The following RP1 variants were observed in gnomAD, a reference collection of about 807,000 sequenced individuals.
RP1 encodes the protein oxygen-regulated protein 1.
RP1 carries 16 observed loss-of-function variants against 14.8 expected under a neutral mutation model. That is an observed-to-expected ratio of 1.08 (90% CI 0.73 to 1.65). The LOEUF (loss-of-function observed/expected upper bound fraction) is 1.65, where lower values mean the gene tolerates loss of function less well. RP1 is among the 40% of genes most tolerant of loss of function. The pLI, the probability that RP1 is intolerant of heterozygous loss-of-function variation, is 0.00. For missense variants in RP1, 2,631 were observed against 2,535.0 expected (o/e 1.04, Z -0.81); for synonymous variants, 876 against 883.6 (o/e 0.99, Z 0.15).
chr8:54,619,048 C>A (rs2129313365), intron 1 of RP1, among the ~76,000 whole-genome samples: 1 of 152,312 alleles, frequency 6.6e-6, no homozygotes, highest in East Asian at 1.9e-4. Flanking sequence ...AAGGTCAGAC[C>A]ACAGTTGACC....
intron 7 of RP1, among the ~76,000 whole-genome samples, chr8:54,666,109 A>G (rs1807012112): frequency 6.6e-6 from 1 of 152,110 alleles, no homozygotes; most frequent in Admixed American, 6.6e-5. Flanking sequence ...CATTCGATGT[A>G]TGGACAAACT....
chr8:54,651,421 T>C (rs1156297543), intron 4 of RP1, among the ~76,000 whole-genome samples: 1 of 152,150 alleles, frequency 6.6e-6, no homozygotes, highest in Non-Finnish European at 1.5e-5. Flanking sequence ...GGGAGGTTTT[T>C]GATTACTGAT....
At chr8:54,849,366 C>T (rs1292435922) in intron 25 of RP1, among the ~76,000 whole-genome samples, 3 of 152,028 alleles carry the variant, frequency 2.0e-5, no homozygotes, top group Non-Finnish European at 4.4e-5. Flanking sequence ...AGTCATTGTG[C>T]TTGGACAAAT....
chr8:54,820,451 T>A (rs1034332195), intron 24 of RP1, among the ~76,000 whole-genome samples: 3 of 152,034 alleles, frequency 2.0e-5, no homozygotes, highest in African/African-American at 7.2e-5. Context: ...TAGCTGGAAA[T>A]CGAGTTTCTA....
At chr8:54,778,321 CTTT>C (rs35643905) in intron 23 of RP1, among the ~76,000 whole-genome samples, 16 of 96,724 alleles carry the variant, frequency 1.7e-4, no homozygotes, top group Admixed American at 4.4e-4. Flanking sequence ...GCTTCTTCTT[CTTT>C]TTTTTTTTTT....
intron 27 of RP1, among the ~76,000 whole-genome samples, chr8:54,861,717 C>T (rs1361953475): frequency 6.6e-6 from 1 of 152,100 alleles, no homozygotes; most frequent in African/African-American, 2.4e-5. Context: ...ATGCTTCTGC[C>T]TCAGCCTCCC....
intron 19 of RP1, among the ~76,000 whole-genome samples, chr8:54,739,624 T>C: frequency 6.6e-6 from 1 of 152,064 alleles, no homozygotes; most frequent in Non-Finnish European, 1.5e-5. Flanking sequence ...CACTCGGTGG[T>C]GCATTTTTTT....
intron 22 of RP1, among the ~76,000 whole-genome samples, chr8:54,766,950 C>T (rs1393748776): frequency 1.3e-5 from 2 of 152,138 alleles, no homozygotes; most frequent in African/African-American, 4.8e-5. Flanking sequence ...TCAAGCCACA[C>T]TGCTCCAATT....
At chr8:54,701,342 C>T (rs858396) in intron 13 of RP1, 482,458 of 642,826 alleles carry the variant, frequency 0.75, 182,612 homozygotes, top group African/African-American at 0.92. Context: ...ATAAAACCTA[C>T]TGAATTTCAA....
chr8:54,687,066 T>C (rs932318084), intron 12 of RP1, among the ~76,000 whole-genome samples: 1 of 152,174 alleles, frequency 6.6e-6, no homozygotes, highest in Non-Finnish European at 1.5e-5. Flanking sequence ...CTATAACACA[T>C]GGAAAAGATA....
chr8:54,580,655 G>A (rs1303775539), intron 1 of RP1, among the ~76,000 whole-genome samples: 1 of 145,394 alleles, frequency 6.9e-6, no homozygotes, highest in African/African-American at 2.5e-5. Context: ...GTCTTGCTAT[G>A]TCGCCCAGGC....
intron 24 of RP1, among the ~76,000 whole-genome samples, chr8:54,787,750 G>A (rs923606464): frequency 6.6e-6 from 1 of 152,016 alleles, no homozygotes; most frequent in Middle Eastern, 3.2e-3. Flanking sequence ...GAACTCCCAG[G>A]GCACTTGCCT....
At chr8:54,778,469 C>T (rs988519880) in intron 23 of RP1, among the ~76,000 whole-genome samples, 1 of 151,778 alleles carries the variant, frequency 6.6e-6, no homozygotes, top group Non-Finnish European at 1.5e-5. Flanking sequence ...GGACTACAGG[C>T]ATGCACCACC....
chr8:54,691,927 T>TTTAGCATTAGGTATA (rs1347147577), intron 12 of RP1, among the ~76,000 whole-genome samples: 1 of 152,026 alleles, frequency 6.6e-6, no homozygotes, highest in African/African-American at 2.4e-5. Context: ...TAACTCGTCA[T>TTTAGCATTAGGTATA]TTAGCATTAG....
intron 4 of RP1, among the ~76,000 whole-genome samples, chr8:54,651,745 T>C (rs989085921): frequency 6.6e-6 from 1 of 152,162 alleles, no homozygotes; most frequent in Non-Finnish European, 1.5e-5. Context: ...CTTTTGTTTA[T>C]CAGTCTATCT....
In RP1 at chr8:54,699,976, C is replaced by T. The variant is rs185416962; in HGVS notation, c.1821+406C>T. ...TTATTTTTTAAAATAATACATTGTA[C>T]GATAACTTTAATGCACTGTTTTAAG... is the stretch of plus-strand genomic sequence containing the variant. On this transcript the variant is annotated intron_variant, in intron 13 of 22. Coordinates refer to the RP1 transcript ENST00000636932. Among the ~76,000 whole-genome samples the T allele has an allele frequency of 1.9e-3, 289 of 152,026 alleles. 3 individuals are homozygous for T. The highest frequency in any genetic ancestry group is 2.7e-3 in the African/African-American group (112 of 41,492).
intron 5 of RP1, chr8:54,652,960 G>A: frequency 2.5e-6 from 2 of 790,006 alleles, no homozygotes; most frequent in South Asian, 1.7e-5. Flanking sequence ...AGTTGATAGA[G>A]TCCTGTACCT....
At chr8:54,621,889 A>G (rs1490899380) in intron 2 of RP1, among the ~76,000 whole-genome samples, 1 of 152,200 alleles carries the variant, frequency 6.6e-6, no homozygotes, top group East Asian at 1.9e-4. Context: ...ATTTTCACAG[A>G]GGAAGCATTT....
At chr8:54,593,181 C>T (rs1331602317) in intron 1 of RP1, among the ~76,000 whole-genome samples, 1 of 152,140 alleles carries the variant, frequency 6.6e-6, no homozygotes, top group African/African-American at 2.4e-5. Context: ...AAGCAACTGG[C>T]AAATATGCGG....
Sources: gnomAD v4.1 joint callset for allele counts (sites outside exome capture counted in the v4.1 genomes callset) on GRCh38, gnomAD v4.1.1 for gene constraint, MANE v1.5 for transcripts, NCBI Gene and HGNC (gene_info 2026-07-23, HGNC 2026-07-21) for gene names.